The following DYSF variants were observed in gnomAD, a reference collection of about 807,000 sequenced individuals.
The protein encoded by DYSF is dystrophy-associated fer-1-like 1.
Under a neutral mutation model 274.9 loss-of-function variants are expected in DYSF, and 212 were observed. The observed-to-expected ratio is 0.77, with a 90% confidence interval of 0.69 to 0.86. The LOEUF (loss-of-function observed/expected upper bound fraction) is 0.86, where lower values mean the gene tolerates loss of function less well. Among genes scored for constraint, DYSF ranks in the 40% least tolerant of loss-of-function variants. The pLI is 0.00. For missense variants in DYSF, 2,666 were observed against 2,783.2 expected (o/e 0.96, Z 0.95); for synonymous variants, 1,091 against 1,078.7 (o/e 1.01, Z -0.22).
intron 42 of DYSF, among the ~76,000 whole-genome samples, chr2:71,647,663 T>A (rs1362806820): frequency 1.3e-5 from 2 of 152,226 alleles, no homozygotes; most frequent in Non-Finnish European, 2.9e-5. Flanking sequence ...AGAAGATACA[T>A]GCAGAATGTT....
At chr2:71,523,044 G>A (rs1167395260) in intron 12 of DYSF, among the ~76,000 whole-genome samples, 1 of 152,164 alleles carries the variant, frequency 6.6e-6, no homozygotes, top group African/African-American at 2.4e-5. Context: ...CAAATAATAG[G>A]CATTAAGGAG....
At chr2:71,681,724 C>T (rs2095298449) in intron 54 of DYSF, among the ~76,000 whole-genome samples, 1 of 152,222 alleles carries the variant, frequency 6.6e-6, no homozygotes. Flanking sequence ...GTTACAGGGG[C>T]AGAGTCACTG....
At chr2:71,608,798 G>T (rs1192582445) in intron 36 of DYSF, among the ~76,000 whole-genome samples, 2 of 152,168 alleles carry the variant, frequency 1.3e-5, no homozygotes, top group Non-Finnish European at 2.9e-5. Context: ...AGCGTTTGGG[G>T]GCCTAGAGAG....
chr2:71,656,245 G>A lies in DYSF; in HGVS notation c.4710G>A (p.Lys1570=), dbSNP rs775026383. Residue 1570 remains lysine, a synonymous_variant, in exon 43 of 56, where the codon AAG becomes AAA. Coordinates refer to ENST00000410020, the MANE Select transcript of DYSF (RefSeq NM_001130987.2). The part of the protein sequence containing the change: ...FCNTFKLYRG[K]TQEETEDPSV... ...ACACCTTCAAGCTGTACCGGGGCAA[G>A]ACGCAGGAGGAGACAGAAGATCCAT... 1.4e-5 allele frequency: 22 copies of A among 1,614,124 alleles called. No individual in the cohort carries two copies. The Admixed American group carries it at 3.3e-4, about 24-fold the overall frequency.
At chr2:71,669,859 A>G in intron 51 of DYSF, 113 bp downstream of exon 51, 2 of 1,437,600 alleles carry the variant, frequency 1.4e-6, no homozygotes, top group East Asian at 4.6e-5. Context: ...CTGCCCCACC[A>G]TGTTGGAGCT....
chr2:71,672,349 C>T (rs959721856), intron 51 of DYSF, among the ~76,000 whole-genome samples: 1 of 152,212 alleles, frequency 6.6e-6, no homozygotes, highest in Non-Finnish European at 1.5e-5. Flanking sequence ...GGGCACTGCA[C>T]AGCCTCTGGG....
chr2:71,630,716 T>G (rs2094298965), intron 41 of DYSF, among the ~76,000 whole-genome samples: 1 of 152,220 alleles, frequency 6.6e-6, no homozygotes. Context: ...TGAACTTTAG[T>G]GCCAGCTGAC....
chr2:71,664,257 C>T lies in DYSF; in HGVS notation c.5004-11C>T. 1 of 1,613,896 alleles carries T rather than the reference C, an allele frequency of 6.2e-7. No individual in the cohort carries two copies. The highest frequency in any genetic ancestry group is 8.5e-7 in the Non-Finnish European group (1 of 1,179,910). ...GTGTTGGCTGACATCGGGAATCTGC[C>T]CCTCCTGCAGGATGTTCGAGCTGAC... is the stretch of plus-strand genomic sequence containing the variant. On this transcript the variant is annotated splice_polypyrimidine_tract_variant and intron_variant, in intron 45 of 55. Transcript: ENST00000410020.
intron 54 of DYSF, among the ~76,000 whole-genome samples, chr2:71,681,856 G>A (rs1032529628): frequency 2.0e-5 from 3 of 152,254 alleles, no homozygotes; most frequent in African/African-American, 7.2e-5. Context: ...AGCACCGTGT[G>A]CCTGAGTGCC....
chr2:71,521,237 G>T (rs113725681), intron 12 of DYSF, among the ~76,000 whole-genome samples: 91 of 152,210 alleles, frequency 6.0e-4, no homozygotes, highest in African/African-American at 2.1e-3. Flanking sequence ...TGAATTTCAT[G>T]GCCTAAGAAT....
chr2:71,682,467 A>C, intron 54 of DYSF, 63 bp from the exon 55 acceptor site: 1 of 1,610,638 alleles, frequency 6.2e-7, no homozygotes, highest in Non-Finnish European at 8.5e-7. Flanking sequence ...TGTTGAGAGA[A>C]GAGTTTGGAG....
intron 17 of DYSF, among the ~76,000 whole-genome samples, chr2:71,542,981 G>T (rs2090070726): frequency 6.6e-6 from 1 of 151,600 alleles, no homozygotes; most frequent in South Asian, 2.1e-4. Flanking sequence ...CCCGGACGGG[G>T]CAGCTGGCCG....
intron 3 of DYSF, among the ~76,000 whole-genome samples, chr2:71,485,755 T>A (rs551207157): frequency 6.6e-6 from 1 of 152,194 alleles, no homozygotes; most frequent in Non-Finnish European, 1.5e-5. Context: ...AATGAACGCA[T>A]GACATTTTAA....
intron 41 of DYSF, among the ~76,000 whole-genome samples, chr2:71,628,067 T>C (rs1044165885): frequency 1.3e-5 from 2 of 152,170 alleles, no homozygotes; most frequent in African/African-American, 4.8e-5. Context: ...TGAATTTGTT[T>C]CTGCCATCTT....
intron 14 of DYSF, among the ~76,000 whole-genome samples, chr2:71,532,904 G>C (rs1438186268): frequency 6.6e-6 from 1 of 150,732 alleles, no homozygotes; most frequent in African/African-American, 2.4e-5. Flanking sequence ...CTCTTGCTCT[G>C]TACCCCATCC....
At chr2:71,589,981 A>C (rs559046746) in intron 31 of DYSF, among the ~76,000 whole-genome samples, 1 of 151,814 alleles carries the variant, frequency 6.6e-6, no homozygotes, top group Non-Finnish European at 1.5e-5. Flanking sequence ...CTCTTCCTCT[A>C]TCTCTTCTCC....
At chr2:71,616,225 C>T (rs1339524360) in intron 40 of DYSF, among the ~76,000 whole-genome samples, 1 of 151,978 alleles carries the variant, frequency 6.6e-6, no homozygotes, top group African/African-American at 2.4e-5. Flanking sequence ...TGACTCAAAA[C>T]GTGTATAAGG....
intron 39 of DYSF, among the ~76,000 whole-genome samples, chr2:71,613,057 G>A (rs1408764341): frequency 6.6e-6 from 1 of 152,162 alleles, no homozygotes; most frequent in African/African-American, 2.4e-5. Context: ...GGCCCAGGGG[G>A]AGGGAGAGAG....
In DYSF at chr2:71,520,721, T is replaced by C. The variant is rs12713755; in HGVS notation, c.1034-68T>C. On this transcript the variant is annotated intron_variant, in intron 11 of 55. Transcript: ENST00000410020. ...CCTCCCCTGTGCAGTCCATCCTGGG[T>C]TCCCGGATGTGGCCACAGCCTGGGG... is the stretch of plus-strand genomic sequence containing the variant. The C allele has an allele frequency of 0.78, 1,105,855 of 1,414,308 alleles. 442,999 individuals are homozygous for C. The highest frequency in any genetic ancestry group is 0.89 in the African/African-American group (63,076 of 70,964). The allele number at this position is 1,414,308 out of a possible 1,614,324, so 87.6% of individuals were successfully genotyped here. A position where few individuals can be genotyped will look rare whatever the true frequency, so the allele number is the denominator to read the frequency against.
Sources: allele counts gnomAD v4.1 joint callset (sites outside exome capture counted in the v4.1 genomes callset), GRCh38; gene constraint gnomAD v4.1.1; transcripts MANE v1.5; gene names NCBI Gene and HGNC (gene_info 2026-07-23, HGNC 2026-07-21).